MAML2: variants seen among roughly 807,000 people sequenced by gnomAD.
MAML2 encodes the protein mastermind like transcriptional coactivator 2.
MAML2 carries 22 observed loss-of-function variants against 96.1 expected under a neutral mutation model. That is an observed-to-expected ratio of 0.23 (90% CI 0.16 to 0.33). MAML2 has a LOEUF of 0.33. Ranked by LOEUF, MAML2 falls within the 10% of genes least tolerant of loss-of-function variation. MAML2 has a pLI of 1.00. For missense variants in MAML2, 1,367 were observed against 1,392.4 expected (o/e 0.98, Z 0.29); for synonymous variants, 561 against 521.3 (o/e 1.08, Z -1.04).
At chr11:96,040,821 T>G (rs1012443622) in intron 2 of MAML2, among the ~76,000 whole-genome samples, 7 of 152,296 alleles carry the variant, frequency 4.6e-5, no homozygotes, top group Non-Finnish European at 1.0e-4. Flanking sequence ...CTAACCACCC[T>G]GCCTAAGATA....
chr11:96,118,277 C>A (rs914791463), intron 1 of MAML2, among the ~76,000 whole-genome samples: 4 of 151,734 alleles, frequency 2.6e-5, no homozygotes, highest in Non-Finnish European at 4.4e-5. Flanking sequence ...GTGTCCCCAA[C>A]CAAATCTCAT....
At chr11:96,228,883 C>A (rs562365811) in intron 1 of MAML2, among the ~76,000 whole-genome samples, 1 of 152,152 alleles carries the variant, frequency 6.6e-6, no homozygotes, top group South Asian at 2.1e-4. Context: ...CTTTACATAT[C>A]TATGTTCACG....
At chr11:96,173,634 T>C (rs761640171) in intron 1 of MAML2, among the ~76,000 whole-genome samples, 1 of 152,146 alleles carries the variant, frequency 6.6e-6, no homozygotes, top group African/African-American at 2.4e-5. Context: ...CACAAGCTCA[T>C]TGAATGCCAT....
At chr11:96,221,579 A>G (rs1938868) in intron 1 of MAML2, among the ~76,000 whole-genome samples, 21,043 of 152,128 alleles carry the variant, frequency 0.14, 1,709 homozygotes, top group African/African-American at 0.21. Flanking sequence ...ACAACTATGA[A>G]CCACTTAAGA....
rs78039032 is a variant in MAML2 at position 96,323,215 on chromosome 11, T to C, written c.513+18168A>G. The stretch of plus-strand genomic sequence containing the variant: ...TAGATACAATATCTCAAGACATACT[T>C]GCTAAAATGTTTTAAAAGGCAGCTT... On this transcript the variant is annotated intron_variant, in intron 1 of 4. Transcript: ENST00000524717. Among the ~76,000 whole-genome samples, 248 of 152,276 alleles carry C rather than the reference T, an allele frequency of 1.6e-3. 2 individuals are homozygous for C. Among genetic ancestry groups the C allele is most frequent in the African/African-American group, 5.9e-3 (244 of 41,544 alleles).
chr11:96,313,734 GT>G (rs1863586277), intron 1 of MAML2, among the ~76,000 whole-genome samples: 1 of 152,120 alleles, frequency 6.6e-6, no homozygotes, highest in Non-Finnish European at 1.5e-5. Context: ...TTTTTAAGGT[GT>G]TTTTAGGAAG....
At chr11:96,226,149 T>A (rs1862207196) in intron 1 of MAML2, among the ~76,000 whole-genome samples, 1 of 152,196 alleles carries the variant, frequency 6.6e-6, no homozygotes, top group Non-Finnish European at 1.5e-5. Context: ...ACAGATAGCA[T>A]GGGGATTGAA....
At position 95,979,274 on chromosome 11, in the gene MAML2, G is replaced by T; in HGVS notation, c.3145C>A (p.Leu1049Ile). The T allele has an allele frequency of 6.2e-7, 1 of 1,613,956 alleles. No homozygotes were observed. Among genetic ancestry groups the T allele is most frequent in the Non-Finnish European group, 8.5e-7 (1 of 1,179,868 alleles). ...QTMGPLRGLN[L>I]RPNQLSTQIL... Reference sequence around the variant, plus strand: ...TGTGTGCTTAGCTGATTGGGTCTGAGATTCAGACCCCTGAGGGGACCCATG... The same window carrying T: ...TGTGTGCTTAGCTGATTGGGTCTGATATTCAGACCCCTGAGGGGACCCATG... The change falls in exon 5 of 5, where the codon CTC becomes ATC. Residue 1049 changes from leucine to isoleucine, a missense_variant. Coordinates refer to ENST00000524717, the MANE Select transcript of MAML2 (RefSeq NM_032427.4).
intron 2 of MAML2, among the ~76,000 whole-genome samples, chr11:95,998,174 G>GTCTGTCTGTCTGTCTGTCTATCTATCTA (rs139615820): frequency 8.8e-5 from 13 of 147,716 alleles, no homozygotes; most frequent in East Asian, 8.2e-4. Context: ...CTGTCTGTCT[G>GTCTGTCTGTCTGTCTGTCTATCTATCTA]TCTATCTATC....
intron 1 of MAML2, among the ~76,000 whole-genome samples, chr11:96,254,960 C>T (rs1031355779): frequency 1.3e-5 from 2 of 152,082 alleles, no homozygotes; most frequent in Non-Finnish European, 2.9e-5. Context: ...GGACTACAGG[C>T]GAGTGCCACC....
Position 96,108,946 on chromosome 11 carries a change from C to T in MAML2, c.514-15429G>A, listed in dbSNP as rs1432292503. 4.0e-5 allele frequency among the ~76,000 whole-genome samples: 6 copies of T among 151,356 alleles called. No individual in the cohort carries two copies. The South Asian group carries it at 6.3e-4, about 16-fold the overall frequency. On this transcript the variant is annotated intron_variant, in intron 1 of 4. Transcript: ENST00000524717. ...ACTTGGGGGACTGTGGTGGGAGGAT[C>T]GCTTGAGCCCAAGAGAACAAGGCTG...
chr11:96,185,531 C>A (rs1438603896), intron 1 of MAML2, among the ~76,000 whole-genome samples: 3 of 152,322 alleles, frequency 2.0e-5, no homozygotes, highest in Non-Finnish European at 4.4e-5. Flanking sequence ...TTGTTCATGC[C>A]TGTTACCCAG....
chr11:96,297,121 C>A (rs1202350313), intron 1 of MAML2, among the ~76,000 whole-genome samples: 1 of 152,098 alleles, frequency 6.6e-6, no homozygotes, highest in Non-Finnish European at 1.5e-5. Flanking sequence ...GGAAAGGCTG[C>A]AGCTGGGCTG....
In MAML2 at chr11:96,158,718, C is replaced by G. The variant is rs115340533; in HGVS notation, c.514-65201G>C. 6.9e-3 allele frequency among the ~76,000 whole-genome samples: 1,043 copies of G among 152,244 alleles called. 17 individuals are homozygous for G. The highest frequency in any genetic ancestry group is 0.023 in the African/African-American group (951 of 41,536). On this transcript the variant is annotated intron_variant, in intron 1 of 4. Transcript: ENST00000524717. ...AGTCTGGGCATTTGCTGCCTGAAGGCCCCCTAGCTCTTATTAAAATTATTA... is the reference window on the plus strand; with the variant it reads ...AGTCTGGGCATTTGCTGCCTGAAGGGCCCCTAGCTCTTATTAAAATTATTA...
At chr11:96,159,404 A>ATTATTTTTT (rs1157893034) in intron 1 of MAML2, among the ~76,000 whole-genome samples, 1 of 62,000 alleles carries the variant, frequency 1.6e-5, no homozygotes, top group African/African-American at 5.5e-5. Context: ...TAAACCACTG[A>ATTATTTTTT]TTCTTTTTTT....
At chr11:96,319,734 T>C (rs922170959) in intron 1 of MAML2, among the ~76,000 whole-genome samples, 1 of 152,218 alleles carries the variant, frequency 6.6e-6, no homozygotes, top group Non-Finnish European at 1.5e-5. Context: ...GATATTCTTG[T>C]GAACTTTTAG....
chr11:96,169,465 T>C (rs1247597908), intron 1 of MAML2, among the ~76,000 whole-genome samples: 2 of 152,168 alleles, frequency 1.3e-5, no homozygotes, highest in Non-Finnish European at 2.9e-5. Context: ...GTGCTCGAGC[T>C]CCTCCTTCTA....
intron 2 of MAML2, among the ~76,000 whole-genome samples, chr11:96,005,398 A>G (rs1858163115): frequency 6.6e-6 from 1 of 152,246 alleles, no homozygotes; most frequent in Non-Finnish European, 1.5e-5. Context: ...TATGGAAATT[A>G]GACTATAATT....
Position 96,031,501 on chromosome 11 carries a change from T to C in MAML2, c.2140-39778A>G, listed in dbSNP as rs1186291802. On this transcript the variant is annotated intron_variant, in intron 2 of 4. Coordinates refer to ENST00000524717, the MANE Select transcript of MAML2 (RefSeq NM_032427.4). ...AGTATTGCTAATTTCCAGAAAAGAG[T>C]ATTCCTTAACATAGTTCATGACCCA... 3.3e-5 allele frequency among the ~76,000 whole-genome samples: 5 copies of C among 152,054 alleles called. No homozygotes were observed. In the East Asian group the frequency reaches 7.7e-4, roughly 23 times the overall value.
Sources: allele counts gnomAD v4.1 joint callset (sites outside exome capture counted in the v4.1 genomes callset), GRCh38; gene constraint gnomAD v4.1.1; transcripts MANE v1.5; gene names NCBI Gene and HGNC (gene_info 2026-07-23, HGNC 2026-07-21).